Variants in AMMECR1 observed in about 807,000 individuals in gnomAD.
The protein encoded by AMMECR1 is AMMECR nuclear protein 1, also known as nuclear protein AMMECR1.
In AMMECR1, 3 loss-of-function variants were observed where a neutral mutation model predicts 22.5. The ratio of observed to expected loss-of-function variants is 0.13; its 90% CI spans 0.06 to 0.35. The LOEUF (loss-of-function observed/expected upper bound fraction) is 0.35, where lower values mean the gene tolerates loss of function less well. Among genes scored for constraint, AMMECR1 ranks in the 10% least tolerant of loss-of-function variants. The pLI is 1.00. For synonymous variants in AMMECR1, 130 were observed against 116.7 expected, an observed-to-expected ratio of 1.11 and a Z score of -0.74; for missense variants, 235 against 278.7, an observed-to-expected ratio of 0.84 and a Z score of 1.12.
At chrX:110,414,430 G>A (rs1415119322) in intron 2 of AMMECR1, among the ~76,000 whole-genome samples, 2 of 112,666 alleles carry the variant, frequency 1.8e-5, no homozygotes, top group East Asian at 5.6e-4. Flanking sequence ...TGAGGGGAAA[G>A]GGGAAGTGAT....
At chrX:110,336,217 T>C (rs1316905020) in intron 2 of AMMECR1, among the ~76,000 whole-genome samples, 1 of 111,515 alleles carries the variant, frequency 9.0e-6, no homozygotes, top group Non-Finnish European at 1.9e-5. Flanking sequence ...TCTCAACCTT[T>C]TTGAGCTATT....
At chrX:110,390,257 G>T (rs1367184273) in intron 2 of AMMECR1, among the ~76,000 whole-genome samples, 2 of 111,898 alleles carry the variant, frequency 1.8e-5, no homozygotes, top group Non-Finnish European at 3.8e-5. Context: ...GATCCATGAT[G>T]AAATCATATT....
At chrX:110,426,189 G>A (rs1354345571) in intron 2 of AMMECR1, among the ~76,000 whole-genome samples, 1 of 112,501 alleles carries the variant, frequency 8.9e-6, no homozygotes, top group Non-Finnish European at 1.9e-5. Context: ...TGTTTCAAAT[G>A]AGAATGTGTC....
At chrX:110,314,392 C>T (rs1434342075) in intron 1 of AMMECR1, among the ~76,000 whole-genome samples, 1 of 111,860 alleles carries the variant, frequency 8.9e-6, no homozygotes, top group Admixed American at 9.5e-5. Flanking sequence ...ACCAGTGGTT[C>T]GCCACCTTGG....
chrX:110,330,521 A>C (rs2068116570), intron 2 of AMMECR1, among the ~76,000 whole-genome samples: 1 of 112,309 alleles, frequency 8.9e-6, no homozygotes, highest in Non-Finnish European at 1.9e-5. Flanking sequence ...CAATTTGATA[A>C]ATTAATTTTA....
intron 1 of AMMECR1, among the ~76,000 whole-genome samples, chrX:110,314,393 G>A (rs764727389): frequency 4.5e-5 from 5 of 111,714 alleles, no homozygotes; most frequent in Admixed American, 2.8e-4. Flanking sequence ...CCAGTGGTTC[G>A]CCACCTTGGC....
rs2067469190 is a variant in AMMECR1, at chrX:110,215,524, G to T, written c.699+994C>A. 7.2e-5 allele frequency among the ~76,000 whole-genome samples: 8 copies of T among 111,831 alleles called. No individual in the cohort carries two copies. In the South Asian group the frequency reaches 3.0e-3, roughly 41 times the overall value. On this transcript the variant is annotated intron_variant, in intron 3 of 5. Coordinates refer to ENST00000262844, the MANE Select transcript of AMMECR1 (RefSeq NM_015365.3). ...CAAGGCAGAATAGTTCAGTTACTAT[G>T]GGGGATGGTCCTTCTAAAACAGCAG...
At chrX:110,211,257 T>A in intron 3 of AMMECR1, among the ~76,000 whole-genome samples, 1 of 112,494 alleles carries the variant, frequency 8.9e-6, no homozygotes, top group Admixed American at 9.4e-5. Context: ...AGCAAATTGC[T>A]ACATTAGCTT....
At chrX:110,438,932 A>G (rs899546828) in intron 1 of AMMECR1, among the ~76,000 whole-genome samples, 1 of 112,232 alleles carries the variant, frequency 8.9e-6, no homozygotes, top group Non-Finnish European at 1.9e-5. Context: ...GGGTCATATG[A>G]AAGTTCAGAG....
chrX:110,330,067 T>G (rs1602902737), intron 2 of AMMECR1, among the ~76,000 whole-genome samples: 1 of 111,765 alleles, frequency 8.9e-6, no homozygotes, highest in African/African-American at 3.2e-5. Context: ...ATTATGATTT[T>G]CAGCCTCAGC....
intron 2 of AMMECR1, among the ~76,000 whole-genome samples, chrX:110,217,814 CT>C: frequency 9.0e-6 from 1 of 111,164 alleles, no homozygotes; most frequent in Non-Finnish European, 1.9e-5. Flanking sequence ...GCTGAATTTT[CT>C]TTTTTTCATT....
intron 2 of AMMECR1, among the ~76,000 whole-genome samples, chrX:110,404,114 C>T (rs1049798977): frequency 2.7e-5 from 3 of 112,485 alleles, no homozygotes; most frequent in Non-Finnish European, 5.6e-5. Flanking sequence ...AACTAAAGTA[C>T]GTCATGCTAC....
At chrX:110,343,603 C>G (rs1028584003) in intron 2 of AMMECR1, among the ~76,000 whole-genome samples, 1 of 111,359 alleles carries the variant, frequency 9.0e-6, no homozygotes, top group Non-Finnish European at 1.9e-5. Flanking sequence ...CCCATTGTCT[C>G]AGCCCCAAAT....
chrX:110,404,241 CT>C (rs2068583212), intron 2 of AMMECR1, among the ~76,000 whole-genome samples: 1 of 111,816 alleles, frequency 8.9e-6, no homozygotes, highest in South Asian at 3.8e-4. Flanking sequence ...ACCTTTTCCC[CT>C]AGATCCTCTT....
intron 2 of AMMECR1, among the ~76,000 whole-genome samples, chrX:110,425,563 G>A (rs1569427227): frequency 8.8e-6 from 1 of 113,154 alleles, no homozygotes; most frequent in Non-Finnish European, 1.9e-5. Flanking sequence ...AGTTACTTGA[G>A]AAAGGCCTAG....
At chrX:110,264,707 AG>A (rs2067758771) in intron 1 of AMMECR1, 108 bp from the exon 2 acceptor site, 3 of 599,396 alleles carry the variant, frequency 5.0e-6, no homozygotes, top group Non-Finnish European at 7.8e-6. Flanking sequence ...AAAGACCAAA[AG>A]ACAGGCCTTC....
At position 110,317,587 on chromosome X, in the gene AMMECR1, C is replaced by T. The variant is rs773880568; in HGVS notation, c.473+12G>A. The T allele has an allele frequency of 1.7e-6, 2 of 1,163,938 alleles. No individual in the cohort carries two copies. The highest frequency in any genetic ancestry group is 4.8e-5 in the Admixed American group (2 of 41,323). On this transcript the variant is annotated intron_variant, in intron 1 of 5. Coordinates refer to ENST00000262844, the MANE Select transcript of AMMECR1 (RefSeq NM_015365.3). ...GCGCAAGGGAGAGGGCGGCGGAGGG[C>T]ACGGTACTCACTAGGGCTCGTTGGT...
chrX:110,294,198 A>G (rs185041378), intron 1 of AMMECR1, among the ~76,000 whole-genome samples: 1 of 112,269 alleles, frequency 8.9e-6, no homozygotes, highest in African/African-American at 3.2e-5. Flanking sequence ...GTATGCTATC[A>G]TAACTAGACC....
At chrX:110,330,088 C>T (rs1385967835) in intron 2 of AMMECR1, among the ~76,000 whole-genome samples, 1 of 111,677 alleles carries the variant, frequency 9.0e-6, no homozygotes, top group Non-Finnish European at 1.9e-5. Context: ...TGGGCCTTCT[C>T]TATTGTTCTA....
Sources: allele counts gnomAD v4.1 joint callset (sites outside exome capture counted in the v4.1 genomes callset), GRCh38; gene constraint gnomAD v4.1.1; transcripts MANE v1.5; gene names NCBI Gene and HGNC (gene_info 2026-07-23, HGNC 2026-07-21).